Variants in CASZ1 observed in about 807,000 individuals in gnomAD.
The protein encoded by CASZ1 is castor zinc finger 1, also known as zinc finger protein castor homolog 1.
Under a neutral mutation model 135.2 loss-of-function variants are expected in CASZ1, and 28 were observed. The ratio of observed to expected loss-of-function variants is 0.21; its 90% confidence interval spans 0.15 to 0.28. The LOEUF is 0.28. CASZ1 is among the 10% of genes least tolerant of loss of function. The pLI is 1.00. For missense variants in CASZ1, 2,161 were observed against 2,453.3 expected, an observed-to-expected ratio of 0.88 and a Z score of 2.52; for synonymous variants, 1,068 against 1,073.4, an observed-to-expected ratio of 0.99 and a Z score of 0.10.
chr1:10,656,214 C>G (rs546266905), intron 8 of CASZ1, among the ~76,000 whole-genome samples: 110 of 152,366 alleles, frequency 7.2e-4, no homozygotes, highest in African/African-American at 2.5e-3. Flanking sequence ...TGACTCTCCC[C>G]CCACTCACCA....
In CASZ1 at chr1:10,709,219, C is replaced by T. The variant is rs1296902614; in HGVS notation, c.-76-3675G>A. 6.6e-6 allele frequency among the ~76,000 whole-genome samples: 1 copy of T among 152,178 alleles called. No homozygotes were observed. The highest frequency in any genetic ancestry group is 2.4e-5 in the African/African-American group (1 of 41,438). ...CTCGGCCAGCACTCCTACCTGCTCCCCAGGCCTCCCGGGGCCATGGGGGCT... is the reference window on the plus strand; with the variant it reads ...CTCGGCCAGCACTCCTACCTGCTCCTCAGGCCTCCCGGGGCCATGGGGGCT... On this transcript the variant is annotated intron_variant, in intron 2 of 20. Transcript: ENST00000377022. The surrounding 1 kb of genome is among the most constrained non-coding windows in gnomAD (Gnocchi z 5.1).
At position 10,742,805 on chromosome 1, in the gene CASZ1, G is replaced by A. The variant is rs368017897; in HGVS notation, c.-77+17896C>T. On this transcript the variant is annotated intron_variant, in intron 2 of 20. Coordinates refer to ENST00000377022, the MANE Select transcript of CASZ1 (RefSeq NM_001079843.3). ...TCAAGACCAGCCCGGGCAACATGGTGGAACCCTGTCTCTACTAAAAATACA... is the reference window on the plus strand; with the variant it reads ...TCAAGACCAGCCCGGGCAACATGGTAGAACCCTGTCTCTACTAAAAATACA... Among the ~76,000 whole-genome samples the A allele has an allele frequency of 2.0e-5, 3 of 152,040 alleles. No individual in the cohort carries two copies. The South Asian group carries it at 6.2e-4, about 32-fold the overall frequency.
rs149871746 is a variant in CASZ1, at chr1:10,755,936, C to T, written c.-77+4765G>A. Among the ~76,000 whole-genome samples, 528 of 151,344 alleles carry T rather than the reference C, an allele frequency of 3.5e-3. 4 individuals carry two copies. The highest frequency in any genetic ancestry group is 0.027 in the Admixed American group (405 of 15,256). On this transcript the variant is annotated intron_variant, in intron 2 of 20. Transcript: ENST00000377022. This position sits in a 1 kb window ranked among gnomAD's most constrained non-coding sequence, Gnocchi z 4.3. Reference sequence around the variant, plus strand: ...AAAGCCCTGGAGGATGGCATGAGAACTGTCCAGTCCAGTTAGGAGTGAAGG... The same window carrying T: ...AAAGCCCTGGAGGATGGCATGAGAATTGTCCAGTCCAGTTAGGAGTGAAGG...
At chr1:10,661,410 C>T (rs928889487) in intron 5 of CASZ1, 6 of 147,404 alleles carry the variant, frequency 4.1e-5, no homozygotes, top group African/African-American at 1.5e-4. Context: ...CACTCACACA[C>T]ACAAACCCAC....
intron 1 of CASZ1, among the ~76,000 whole-genome samples, chr1:10,782,492 C>T (rs1225836468): frequency 6.6e-6 from 1 of 152,198 alleles, no homozygotes; most frequent in African/African-American, 2.4e-5. Flanking sequence ...GACAAGGTCC[C>T]CACGGCATGA....
chr1:10,782,503 G>A (rs1640780145), intron 1 of CASZ1, among the ~76,000 whole-genome samples: 1 of 152,226 alleles, frequency 6.6e-6, no homozygotes, highest in South Asian at 2.1e-4. Context: ...CACGGCATGA[G>A]CCACCGACTC....
intron 2 of CASZ1, among the ~76,000 whole-genome samples, chr1:10,740,991 A>T (rs1449743467): frequency 1.2e-5 from 1 of 81,088 alleles, no homozygotes; most frequent in African/African-American, 5.3e-5. Flanking sequence ...AAAAAAGTCT[A>T]AAAAACACTT....
At chr1:10,712,131 A>G (rs1307621870) in intron 2 of CASZ1, among the ~76,000 whole-genome samples, 4 of 152,162 alleles carry the variant, frequency 2.6e-5, no homozygotes, top group African/African-American at 9.7e-5. Flanking sequence ...AGATCACTTG[A>G]GGTCAGGAGT....
intron 1 of CASZ1, among the ~76,000 whole-genome samples, chr1:10,793,207 C>A (rs567740968): frequency 2.6e-4 from 35 of 135,960 alleles, no homozygotes; most frequent in Admixed American, 2.4e-3. Context: ...AGATTGGACT[C>A]TTTGATCTTG....
At chr1:10,664,278 G>A (rs906528235) in intron 5 of CASZ1, among the ~76,000 whole-genome samples, 6 of 152,164 alleles carry the variant, frequency 3.9e-5, no homozygotes, top group African/African-American at 1.4e-4. Context: ...GCCGGGGGCA[G>A]AGAGAAGGCC....
chr1:10,714,691 G>A (rs573959017), intron 2 of CASZ1, among the ~76,000 whole-genome samples: 21 of 152,334 alleles, frequency 1.4e-4, no homozygotes, highest in Middle Eastern at 3.4e-3. Flanking sequence ...CAGTTTGTCC[G>A]ACAACATCCC....
At chr1:10,693,140 G>GC (rs1225116617) in intron 4 of CASZ1, among the ~76,000 whole-genome samples, 1 of 152,062 alleles carries the variant, frequency 6.6e-6, no homozygotes, top group Non-Finnish European at 1.5e-5. Flanking sequence ...CCCACAGGAG[G>GC]CCCCCAAACC....
rs1640628856 is a variant in CASZ1, at chr1:10,774,534, G to A, written c.-233-13677C>T. Among the ~76,000 whole-genome samples, 1 of 138,784 alleles carries A rather than the reference G, an allele frequency of 7.2e-6. No individual in the cohort carries two copies. The highest frequency in any genetic ancestry group is 7.4e-5 in the Admixed American group (1 of 13,470). 91.0% of individuals were successfully genotyped at this position (138,784 alleles called of 152,430 possible). A position where few individuals can be genotyped will look rare whatever the true frequency, so the allele number is the denominator to read the frequency against. ...CTTCTGCACATTCTTTAAGCCCCGT[G>A]ATCCCAAGAAATCCCATCCATAGCC... On this transcript the variant is annotated intron_variant, in intron 1 of 20. Transcript: ENST00000377022. This position sits in a 1 kb window ranked among gnomAD's most constrained non-coding sequence, Gnocchi z 4.4.
Position 10,719,138 on chromosome 1 carries a change from G to A in CASZ1, c.-76-13594C>T, listed in dbSNP as rs969245648. On this transcript the variant is annotated intron_variant, in intron 2 of 20. Transcript: ENST00000377022. The surrounding 1 kb of genome is among the most constrained non-coding windows in gnomAD (Gnocchi z 4.0). ...CAACCATGTTGGCCAGACTAGTCTCGAACTCCTGACCTCAAGCAATCTGCC... is the reference window on the plus strand; with the variant it reads ...CAACCATGTTGGCCAGACTAGTCTCAAACTCCTGACCTCAAGCAATCTGCC... 6.6e-6 allele frequency among the ~76,000 whole-genome samples: 1 copy of A among 151,970 alleles called. No homozygotes were observed. The highest frequency in any genetic ancestry group is 1.5e-5 in the Non-Finnish European group (1 of 68,006).
intron 1 of CASZ1, among the ~76,000 whole-genome samples, chr1:10,765,357 C>G (rs1640454623): frequency 1.3e-5 from 2 of 150,892 alleles, no homozygotes; most frequent in Admixed American, 6.6e-5. Flanking sequence ...CACAGACGTG[C>G]ACATTGCCCA....
intron 2 of CASZ1, among the ~76,000 whole-genome samples, chr1:10,758,103 C>A (rs1291123394): frequency 1.3e-5 from 2 of 152,210 alleles, no homozygotes; most frequent in Admixed American, 6.5e-5. Flanking sequence ...CTAAATGTCA[C>A]CACGTCCTTG....
intron 2 of CASZ1, among the ~76,000 whole-genome samples, chr1:10,714,013 GA>G: frequency 6.6e-6 from 1 of 152,316 alleles, no homozygotes; most frequent in South Asian, 2.1e-4. Flanking sequence ...TGAAGGTTAA[GA>G]AACAAGCTCT....
intron 20 of CASZ1, among the ~76,000 whole-genome samples, chr1:10,642,506 A>T (rs572548848): frequency 9.2e-5 from 14 of 152,032 alleles, no homozygotes; most frequent in African/African-American, 3.4e-4. Context: ...GAGGCGGGGC[A>T]GTGCCAGGGG....
At chr1:10,761,360 C>A (rs1032238807) in intron 1 of CASZ1, among the ~76,000 whole-genome samples, 1 of 152,182 alleles carries the variant, frequency 6.6e-6, no homozygotes, top group Non-Finnish European at 1.5e-5. Flanking sequence ...CTTCTGGGAG[C>A]CTCTATAAAA....
Sources: gnomAD v4.1 joint callset for allele counts (sites outside exome capture counted in the v4.1 genomes callset) on GRCh38, gnomAD v4.1.1 for gene constraint, Gnocchi (gnomAD v3.1) non-coding constraint, MANE v1.5 for transcripts, NCBI Gene and HGNC (gene_info 2026-07-23, HGNC 2026-07-21) for gene names.